The following HYDIN variants were observed in gnomAD, a reference collection of about 807,000 sequenced individuals.
The protein encoded by HYDIN is HYDIN axonemal central pair apparatus protein.
Under a neutral mutation model 403.9 loss-of-function variants are expected in HYDIN, and 132 were observed. The ratio of observed to expected loss-of-function variants is 0.33; its 90% CI spans 0.28 to 0.38. HYDIN has a LOEUF of 0.38. Among genes scored for constraint, HYDIN ranks in the 10% least tolerant of loss-of-function variants. HYDIN has a pLI of 1.00. For missense variants in HYDIN, 2,827 were observed against 5,009.5 expected, an observed-to-expected ratio of 0.56 and a Z score of 13.15; for synonymous variants, 1,202 against 1,891.7, an observed-to-expected ratio of 0.64 and a Z score of 9.46.
Position 70,920,887 on chromosome 16 carries a change from G to A in HYDIN, c.7489C>T (p.Gln2497Ter), listed in dbSNP as rs2076975808. The change falls in exon 46 of 86, where the codon CAG (glutamine) becomes TAG (stop). Residue 2497 changes from glutamine to a stop codon, truncating the protein, a stop_gained. Coordinates refer to ENST00000393567, the MANE Select transcript of HYDIN (RefSeq NM_001270974.2). LOFTEE classifies it high-confidence loss of function. Reference sequence around the variant, plus strand: ...CGCCCACCCAAGGGGACCTGGCGCTGGTCGTCGGGCTCATGGGGCGCTTCC... The same window carrying A: ...CGCCCACCCAAGGGGACCTGGCGCTAGTCGTCGGGCTCATGGGGCGCTTCC... Reference protein sequence around the residue: ...MEEAPHEPDDQRQVPLGGRRG... With the variant: ...MEEAPHEPDD 6.2e-7 allele frequency: 1 copy of A among 1,611,036 alleles called. No individual in the cohort carries two copies. The highest frequency in any genetic ancestry group is 2.2e-5 in the East Asian group (1 of 44,836).
chr16:71,036,023 A>G (rs888110438), intron 18 of HYDIN, among the ~76,000 whole-genome samples: 6 of 151,726 alleles, frequency 4.0e-5, no homozygotes, highest in African/African-American at 1.2e-4. Context: ...TACAGTAAAG[A>G]GAGTTGAGTG....
intron 50 of HYDIN, among the ~76,000 whole-genome samples, chr16:70,904,426 G>C (rs1485464744): frequency 8.8e-6 from 1 of 113,840 alleles, no homozygotes; most frequent in African/African-American, 3.2e-5. Flanking sequence ...GAAATATGTA[G>C]ATCTATCCTT....
chr16:71,178,816 C>T, intron 4 of HYDIN, 112 bp downstream of exon 4: 2 of 881,176 alleles, frequency 2.3e-6, no homozygotes, highest in Non-Finnish European at 3.4e-6. Context: ...ATACTATTTT[C>T]CTAAGTCTAT....
At chr16:71,058,713 G>C (rs985042833) in intron 18 of HYDIN, among the ~76,000 whole-genome samples, 18 of 150,262 alleles carry the variant, frequency 1.2e-4, no homozygotes, top group Admixed American at 8.6e-4. Flanking sequence ...TTAGCTTATA[G>C]AAGACTAGCA....
intron 6 of HYDIN, among the ~76,000 whole-genome samples, chr16:71,156,273 A>T (rs2085763296): frequency 6.6e-6 from 1 of 152,134 alleles, no homozygotes; most frequent in Non-Finnish European, 1.5e-5. Context: ...GGTTACACAA[A>T]CTTCTTCAGT....
rs2081196651 is a variant in HYDIN at position 71,039,063 on chromosome 16, T to C, written c.2530-7146A>G. ...GAGATGAGATGCAGAAGAAATGGTGTAGAGCTTTACACGGGAGGCAATTTA... is the reference window on the plus strand; with the variant it reads ...GAGATGAGATGCAGAAGAAATGGTGCAGAGCTTTACACGGGAGGCAATTTA... On this transcript the variant is annotated intron_variant, in intron 18 of 85. Transcript: ENST00000393567. Among the ~76,000 whole-genome samples the C allele has an allele frequency of 2.0e-5, 3 of 152,182 alleles. No individual in the cohort carries two copies. In the South Asian group the frequency reaches 6.2e-4, roughly 32 times the overall value.
intron 13 of HYDIN, among the ~76,000 whole-genome samples, chr16:71,079,341 C>T (rs985020520): frequency 6.7e-6 from 1 of 148,984 alleles, no homozygotes; most frequent in Non-Finnish European, 1.5e-5. Context: ...AACCTTTAAA[C>T]TTAGAACTTG....
At chr16:70,808,556 A>G (rs984040371) in intron 85 of HYDIN, among the ~76,000 whole-genome samples, 1 of 152,168 alleles carries the variant, frequency 6.6e-6, no homozygotes, top group Non-Finnish European at 1.5e-5. Flanking sequence ...CTTGAATCCC[A>G]AGAGACTGAG....
In HYDIN at chr16:70,808,415, A is replaced by G. The variant is rs191523117; in HGVS notation, c.14884-353T>C. On this transcript the variant is annotated intron_variant, in intron 85 of 85. Transcript: ENST00000393567. ...TGGTTCCTTGCAGATGGGTGGTGCT[A>G]GTTCCAGACAACTAGCTGTGAGCAG... is the stretch of plus-strand genomic sequence containing the variant. 7.1e-3 allele frequency among the ~76,000 whole-genome samples: 1,073 copies of G among 152,192 alleles called. 24 individuals are homozygous for G. Among genetic ancestry groups the G allele is most frequent in the Non-Finnish European group, 6.0e-3 (410 of 67,996 alleles).
At position 70,803,771 on chromosome 16, in the gene HYDIN, A is replaced by C. The variant is rs1452091777; in HGVS notation, c.*3809T>G. 1.3e-5 allele frequency among the ~76,000 whole-genome samples: 2 copies of C among 152,172 alleles called. No homozygotes were observed. Among genetic ancestry groups the C allele is most frequent in the African/African-American group, 4.8e-5 (2 of 41,446 alleles). ...TCTTGAAATGTAGCAGGCCCTCACC[A>C]ATGTTACAGTATTGTCACCTCTGAC... On this transcript the variant is annotated 3_prime_UTR_variant, in exon 86 of 86. Coordinates refer to ENST00000393567, the MANE Select transcript of HYDIN (RefSeq NM_001270974.2).
At chr16:71,207,663 G>A (rs1042051577) in intron 1 of HYDIN, among the ~76,000 whole-genome samples, 2 of 152,166 alleles carry the variant, frequency 1.3e-5, no homozygotes, top group African/African-American at 4.8e-5. Flanking sequence ...ATGGTATGCT[G>A]TCTTCAAGAG....
chr16:71,107,379 A>T (rs1245034403), intron 10 of HYDIN, among the ~76,000 whole-genome samples: 1 of 151,980 alleles, frequency 6.6e-6, no homozygotes, highest in Non-Finnish European at 1.5e-5. Flanking sequence ...CAGACTAAAG[A>T]GGGAAAACCC....
In HYDIN at chr16:70,872,190, G is replaced by A. The variant is rs1597181042; in HGVS notation, c.10949-11C>T. ...GGTCCACCAGAGCAGCTAGGGATTA[G>A]AAGCAGAAGGCTGTGAGTCCTCCCT... On this transcript the variant is annotated splice_polypyrimidine_tract_variant and intron_variant, in intron 64 of 85. Transcript: ENST00000393567. The A allele has an allele frequency of 1.5e-6, 2 of 1,329,898 alleles. No homozygotes were observed. Among genetic ancestry groups the A allele is most frequent in the South Asian group, 2.8e-5 (2 of 71,250 alleles). 82.4% of individuals were successfully genotyped at this position (1,329,898 alleles called of 1,614,324 possible).
At chr16:71,051,622 G>A (rs748866094) in intron 18 of HYDIN, among the ~76,000 whole-genome samples, 30 of 147,856 alleles carry the variant, frequency 2.0e-4, no homozygotes, top group Non-Finnish European at 3.8e-4. Flanking sequence ...CTCCAGCCTG[G>A]GCGACAGAGC....
At chr16:70,943,276 A>G (rs1487473141) in intron 42 of HYDIN, among the ~76,000 whole-genome samples, 7 of 152,252 alleles carry the variant, frequency 4.6e-5, no homozygotes, top group Admixed American at 2.0e-4. Flanking sequence ...TTTAAAAGCA[A>G]TATGTCATTG....
rs1284756141 is a variant in HYDIN, at chr16:71,020,469, T to C, written c.3187-152A>G. ...GTGTGTATATATATATATGCATATA[T>C]ATGTAGATGTATACATACATTTTTC... On this transcript the variant is annotated intron_variant, in intron 21 of 85. Coordinates refer to ENST00000393567, the MANE Select transcript of HYDIN (RefSeq NM_001270974.2). 25 of 1,188,588 alleles carry C rather than the reference T, an allele frequency of 2.1e-5. No homozygotes were observed. In the East Asian group the frequency reaches 6.5e-4, roughly 31 times the overall value. The allele number at this position is 1,188,588 out of a possible 1,614,324, so 73.6% of individuals were successfully genotyped here.
chr16:71,211,847 G>A (rs1343104804), intron 1 of HYDIN, among the ~76,000 whole-genome samples: 1 of 151,978 alleles, frequency 6.6e-6, no homozygotes. Context: ...TCACATAGGG[G>A]AATTATTAGA....
intron 47 of HYDIN, among the ~76,000 whole-genome samples, chr16:70,911,583 T>TTGGCTATG (rs1239398434): frequency 6.8e-6 from 1 of 146,066 alleles, no homozygotes; most frequent in Admixed American, 6.8e-5. Context: ...TAGTCTTGCT[T>TTGGCTATG]TGGCTATGTG....
intron 71 of HYDIN, among the ~76,000 whole-genome samples, chr16:70,859,100 G>A (rs2039227167): frequency 6.6e-6 from 1 of 151,562 alleles, no homozygotes; most frequent in South Asian, 2.1e-4. Context: ...AGGAGATTGA[G>A]ACCATCCTGG....
Sources: gnomAD v4.1 joint callset for allele counts (sites outside exome capture counted in the v4.1 genomes callset) on GRCh38, gnomAD v4.1.1 for gene constraint, MANE v1.5 for transcripts, NCBI Gene and HGNC (gene_info 2026-07-23, HGNC 2026-07-21) for gene names.